Variants in PCDHA7 observed in about 807,000 individuals in gnomAD.
PCDHA7 encodes the protein protocadherin alpha-7.
PCDHA7 carries 37 observed loss-of-function variants against 57.2 expected under a neutral mutation model. The ratio of observed to expected loss-of-function variants is 0.65; its 90% CI spans 0.50 to 0.85. PCDHA7 has a LOEUF of 0.85. Ranked by LOEUF, PCDHA7 falls within the 40% of genes least tolerant of loss-of-function variation. PCDHA7 has a pLI of 0.00. For synonymous variants in PCDHA7, 553 were observed against 558.8 expected (o/e 0.99, Z 0.15); for missense variants, 1,188 against 1,241.8 (o/e 0.96, Z 0.65).
chr5:140,948,108 G>A (rs902891466), intron 1 of PCDHA7, among the ~76,000 whole-genome samples: 2 of 151,096 alleles, frequency 1.3e-5, no homozygotes, highest in Non-Finnish European at 3.0e-5. Context: ...ATTTTTCTTC[G>A]TTTTACTAAT....
chr5:140,852,025 G>T, intron 1 of PCDHA7: 1 of 947,208 alleles, frequency 1.1e-6, no homozygotes. Flanking sequence ...TAAAAACTTC[G>T]CTTATTGAGT....
intron 1 of PCDHA7, chr5:140,849,736 AC>A: frequency 1.3e-6 from 2 of 1,598,292 alleles, no homozygotes; most frequent in Non-Finnish European, 1.7e-6. Flanking sequence ...AGAGCTCTGG[AC>A]CGCGAGAGTG....
intron 1 of PCDHA7, chr5:140,868,232 C>T (rs1176693366): frequency 6.6e-6 from 1 of 152,032 alleles, no homozygotes; most frequent in Non-Finnish European, 1.5e-5. Flanking sequence ...AAAAACTCAT[C>T]TAGATCAATA....
intron 1 of PCDHA7, chr5:140,967,285 G>A (rs150694611): frequency 1.9e-6 from 3 of 1,613,058 alleles, no homozygotes; most frequent in East Asian, 2.2e-5. Context: ...AGAGTGCGCA[G>A]GACCCCGACG....
In PCDHA7 at chr5:140,915,928, T is replaced by C. The variant is rs141949892; in HGVS notation, c.2356-63021T>C. ...CAGGCCCAGAGATGCTACTTGGGAG[T>C]CAGGGATTGGAGTCAAAATACTTAG... On this transcript the variant is annotated intron_variant, in intron 1 of 3. Coordinates refer to ENST00000525929, the MANE Select transcript of PCDHA7 (RefSeq NM_018910.3). Among the ~76,000 whole-genome samples the C allele has an allele frequency of 8.0e-3, 1,213 of 151,944 alleles. 5 individuals carry two copies. The highest frequency in any genetic ancestry group is 0.019 in the African/African-American group (783 of 41,424).
chr5:140,870,493 A>T (rs782514435), intron 1 of PCDHA7: 2 of 1,614,214 alleles, frequency 1.2e-6, no homozygotes, highest in South Asian at 2.2e-5. Context: ...CGTGTTCGTG[A>T]AGGAGAACAA....
intron 1 of PCDHA7, among the ~76,000 whole-genome samples, chr5:140,896,733 C>T (rs920661983): frequency 2.0e-5 from 3 of 151,970 alleles, no homozygotes; most frequent in Non-Finnish European, 2.9e-5. Flanking sequence ...TGTTTAAGTT[C>T]CTTATAGATT....
chr5:140,891,877 T>A (rs2063293050), intron 1 of PCDHA7, among the ~76,000 whole-genome samples: 1 of 152,218 alleles, frequency 6.6e-6, no homozygotes, highest in East Asian at 1.9e-4. Flanking sequence ...TTTGGCTCTG[T>A]CATGTGACGA....
chr5:140,850,892 G>A (rs2041866822), intron 1 of PCDHA7: 1 of 1,577,404 alleles, frequency 6.3e-7, no homozygotes, highest in South Asian at 1.1e-5. Flanking sequence ...CTGGGAAGGT[G>A]GGTTTTTCTA....
At chr5:140,958,218 A>C (rs1240262632) in intron 1 of PCDHA7, among the ~76,000 whole-genome samples, 2 of 152,120 alleles carry the variant, frequency 1.3e-5, no homozygotes, top group Admixed American at 1.3e-4. Flanking sequence ...TTAGATTTTA[A>C]AGGACTTTCA....
chr5:140,846,894 A>G (rs2150395518), intron 1 of PCDHA7, among the ~76,000 whole-genome samples: 1 of 149,832 alleles, frequency 6.7e-6, no homozygotes, highest in South Asian at 2.1e-4. Flanking sequence ...AATGACGTTG[A>G]AGTTGAAAGA....
At chr5:140,960,742 T>C (rs1336861398) in intron 1 of PCDHA7, among the ~76,000 whole-genome samples, 1 of 151,530 alleles carries the variant, frequency 6.6e-6, no homozygotes, top group Non-Finnish European at 1.5e-5. Flanking sequence ...TTTTAGTCCA[T>C]GGCTAAAATC....
At chr5:140,933,184 G>T (rs1459868769) in intron 1 of PCDHA7, among the ~76,000 whole-genome samples, 4 of 149,618 alleles carry the variant, frequency 2.7e-5, no homozygotes, top group African/African-American at 4.9e-5. Flanking sequence ...ATAAGATAAT[G>T]GTTCAGGATA....
At chr5:140,839,954 T>G (rs1241310286) in intron 1 of PCDHA7, among the ~76,000 whole-genome samples, 1 of 151,716 alleles carries the variant, frequency 6.6e-6, no homozygotes, top group Non-Finnish European at 1.5e-5. Context: ...AGACAACATA[T>G]TTTCTGTAAA....
chr5:140,946,162 A>C (rs2093896348), intron 1 of PCDHA7, among the ~76,000 whole-genome samples: 1 of 152,080 alleles, frequency 6.6e-6, no homozygotes, highest in Non-Finnish European at 1.5e-5. Context: ...GATTTAAAAG[A>C]TGGGTAAAGG....
At chr5:140,968,852 A>G (rs1554231175) in intron 1 of PCDHA7, 1 of 1,614,196 alleles carries the variant, frequency 6.2e-7, no homozygotes, top group Non-Finnish European at 8.5e-7. Flanking sequence ...GAGGCATGTT[A>G]AGAGCCCTCG....
At chr5:141,005,220 C>T (rs2098201724) in intron 3 of PCDHA7, among the ~76,000 whole-genome samples, 1 of 152,192 alleles carries the variant, frequency 6.6e-6, no homozygotes, top group Admixed American at 6.5e-5. Flanking sequence ...CAAGTATTTA[C>T]TAAACACCTG....
At chr5:140,878,585 C>T (rs2057657468) in intron 1 of PCDHA7, among the ~76,000 whole-genome samples, 1 of 152,152 alleles carries the variant, frequency 6.6e-6, no homozygotes, top group African/African-American at 2.4e-5. Flanking sequence ...CTGCCCTGTG[C>T]CTATTACCAA....
chr5:140,889,814 CATA>C (rs1463937516), intron 1 of PCDHA7, among the ~76,000 whole-genome samples: 6 of 152,048 alleles, frequency 3.9e-5, no homozygotes, highest in Non-Finnish European at 7.4e-5. Context: ...GAAGTCAGGT[CATA>C]AGAAGTCTTA....
Sources: gnomAD v4.1 joint callset for allele counts (sites outside exome capture counted in the v4.1 genomes callset) on GRCh38, gnomAD v4.1.1 for gene constraint, MANE v1.5 for transcripts, NCBI Gene and HGNC (gene_info 2026-07-23, HGNC 2026-07-21) for gene names.